The following CD244 variants were observed in gnomAD, a reference collection of about 807,000 sequenced individuals.
CD244 encodes CD244 molecule.
CD244 carries 20 observed loss-of-function variants against 45.5 expected under a neutral mutation model. The ratio of observed to expected loss-of-function variants is 0.44; its 90% CI spans 0.31 to 0.64. The LOEUF (loss-of-function observed/expected upper bound fraction) is 0.64, where lower values mean the gene tolerates loss of function less well. CD244 is among the 30% of genes least tolerant of loss of function. The pLI is 0.08. For synonymous variants in CD244, 185 were observed against 160.5 expected (o/e 1.15, Z -1.15); for missense variants, 407 against 426.9 (o/e 0.95, Z 0.41).
rs930887807 is a variant in CD244 at position 160,831,398 on chromosome 1, G to C, written c.1047C>G (p.Asn349Lys). 9 of 1,614,014 alleles carry C rather than the reference G, an allele frequency of 5.6e-6. No homozygotes were observed. Among genetic ancestry groups the C allele is most frequent in the Admixed American group, 3.3e-5 (2 of 60,006 alleles). ...GCTCTTTGCGGCTCAATCGAGCAGGGTTCTGGGCTTTAGGTTGACTCTTTC... is the reference window on the plus strand; with the variant it reads ...GCTCTTTGCGGCTCAATCGAGCAGGCTTCTGGGCTTTAGGTTGACTCTTTC... ...VIGKSQPKAQ[N>K]PARLSRKELE... The change falls in exon 9 of 9, where the codon AAC becomes AAG. Residue 349 changes from asparagine (N) to lysine (K), a missense_variant. Coordinates refer to ENST00000368034, the MANE Select transcript of CD244 (RefSeq NM_016382.4).
intron 7 of CD244, among the ~76,000 whole-genome samples, chr1:160,833,191 G>C (rs1669199362): frequency 6.6e-6 from 1 of 152,036 alleles, no homozygotes; most frequent in Non-Finnish European, 1.5e-5. Flanking sequence ...ACATCTATAT[G>C]GCCTTATATT....
At chr1:160,840,730 A>G (rs1288440556) in intron 3 of CD244, among the ~76,000 whole-genome samples, 1 of 152,168 alleles carries the variant, frequency 6.6e-6, no homozygotes, top group East Asian at 1.9e-4. Flanking sequence ...TAACTCAGGT[A>G]ACTCTTAGGA....
At chr1:160,832,038 C>T (rs1015135433) in intron 8 of CD244, among the ~76,000 whole-genome samples, 2 of 152,192 alleles carry the variant, frequency 1.3e-5, no homozygotes, top group African/African-American at 4.8e-5. Flanking sequence ...CCTAAATGCT[C>T]TGATGGGAAT....
intron 1 of CD244, among the ~76,000 whole-genome samples, chr1:160,858,347 A>G (rs1670182490): frequency 6.6e-6 from 1 of 152,164 alleles, no homozygotes; most frequent in Non-Finnish European, 1.5e-5. Context: ...GTTCCAACAC[A>G]ATCTACGCAA....
rs1669164668 is a variant in CD244, at chr1:160,832,595, A to G, written c.961-20T>C. On this transcript the variant is annotated intron_variant, in intron 7 of 8. Transcript: ENST00000368034. ...TCCAGACTAGAAATTCAGAAGGTAA[A>G]GAATACTTAACTTCGAGATAAGTGC... 6.2e-7 allele frequency: 1 copy of G among 1,611,930 alleles called. No individual in the cohort carries two copies.
chr1:160,834,576 C>G (rs1669259697), intron 6 of CD244, among the ~76,000 whole-genome samples: 1 of 152,186 alleles, frequency 6.6e-6, no homozygotes, highest in African/African-American at 2.4e-5. Context: ...TGGTCTCAAA[C>G]CCCTGACCTC....
chr1:160,834,097 T>C lies in CD244; in HGVS notation c.914A>G (p.Gln305Arg). ...IQSQSSAPTS[Q>R]EPAYTLYSLI... ...TGAATATAATGTATATGCAGGTTCT[T>C]GTGACGTGGGAGCAGAAGACTAATG... Residue 305 changes from glutamine (Q) to arginine (R), a missense_variant, in exon 7 of 9, where the codon CAA (glutamine) becomes CGA (arginine). Coordinates refer to ENST00000368034, the MANE Select transcript of CD244 (RefSeq NM_016382.4). 1 of 1,610,758 alleles carries C rather than the reference T, an allele frequency of 6.2e-7. No homozygotes were observed. The highest frequency in any genetic ancestry group is 1.7e-4 in the Middle Eastern group (1 of 6,044).
rs1185656128 is a variant in CD244, at chr1:160,838,461, C to A, written c.824G>T (p.Arg275Met). ...TCCGGGATGACATACGTGATTTCTC[C>A]TGGTTTTCAGATCCTTGACATCTTC... ...IYEDVKDLKT[R>M]RNHEQEQTFP... Residue 275 changes from arginine (R) to methionine (M), a missense_variant, in exon 5 of 9, where the codon AGG (arginine) becomes ATG (methionine). By Grantham distance (91) the Arg-to-Met change is moderately conservative. Coordinates refer to ENST00000368034, the MANE Select transcript of CD244 (RefSeq NM_016382.4). 1 of 1,613,046 alleles carries A rather than the reference C, an allele frequency of 6.2e-7. No homozygotes were observed. Among genetic ancestry groups the A allele is most frequent in the African/African-American group, 1.3e-5 (1 of 75,008 alleles).
At chr1:160,845,235 G>A (rs1314308219) in intron 1 of CD244, among the ~76,000 whole-genome samples, 1 of 151,966 alleles carries the variant, frequency 6.6e-6, no homozygotes, top group Non-Finnish European at 1.5e-5. Context: ...GAAATAAAAT[G>A]TAAAATAACT....
In CD244 at chr1:160,860,641, T is replaced by C. The variant is rs540502366; in HGVS notation, c.61+1976A>G. Among the ~76,000 whole-genome samples, 3 of 152,342 alleles carry C rather than the reference T, an allele frequency of 2.0e-5. No homozygotes were observed. In the South Asian group the frequency reaches 6.2e-4, roughly 32 times the overall value. On this transcript the variant is annotated intron_variant, in intron 1 of 8. Transcript: ENST00000368034. ...CATAATGTCACAACTTGTTCTCAAG[T>C]GGTTCAGCAAAAATTATTGTACATT... is the stretch of plus-strand genomic sequence containing the variant.
intron 1 of CD244, chr1:160,848,365 T>C (rs544913397): frequency 3.3e-5 from 19 of 571,062 alleles, no homozygotes; most frequent in Non-Finnish European, 5.8e-5. Context: ...TTGCCGAGAC[T>C]GAATGGATGG....
intron 6 of CD244, among the ~76,000 whole-genome samples, chr1:160,835,315 G>A (rs1039346069): frequency 6.6e-6 from 1 of 152,100 alleles, no homozygotes; most frequent in African/African-American, 2.4e-5. Context: ...AAACCCTTTG[G>A]CTCAGCTCTG....
In CD244 at chr1:160,841,181, C is replaced by T. The variant is rs373438742; in HGVS notation, c.655+29G>A. On this transcript the variant is annotated intron_variant, in intron 3 of 8. Coordinates refer to ENST00000368034, the MANE Select transcript of CD244 (RefSeq NM_016382.4). ...GGTTGCGGGGTCCAAACCTTCAGCG[C>T]TTGTTATAGCCCAGTGTGTTCCACT... The T allele has an allele frequency of 1.1e-5, 17 of 1,610,686 alleles. No homozygotes were observed. The African/African-American group carries it at 1.7e-4, about 16-fold the overall frequency.
Position 160,854,175 on chromosome 1 carries a change from A to G in CD244, c.61+8442T>C, listed in dbSNP as rs548083701. ...TTAGTGGTGGTTTCACTTTATTTTTATCTTTTATAAAATTGTGAGAGGTAG... is the reference window on the plus strand; with the variant it reads ...TTAGTGGTGGTTTCACTTTATTTTTGTCTTTTATAAAATTGTGAGAGGTAG... On this transcript the variant is annotated intron_variant, in intron 1 of 8. Transcript: ENST00000368034. Among the ~76,000 whole-genome samples, 393 of 152,318 alleles carry G rather than the reference A, an allele frequency of 2.6e-3. 2 individuals are homozygous for G. Among genetic ancestry groups the G allele is most frequent in the Non-Finnish European group, 4.7e-3 (319 of 68,020 alleles).
intron 1 of CD244, 30 bp downstream of exon 1, chr1:160,862,587 C>T: frequency 6.2e-7 from 1 of 1,607,998 alleles, no homozygotes; most frequent in Non-Finnish European, 8.5e-7. Context: ...TAGTCCCTCC[C>T]TCGCCCCACG....
At chr1:160,840,762 G>T (rs953190393) in intron 3 of CD244, among the ~76,000 whole-genome samples, 1 of 152,164 alleles carries the variant, frequency 6.6e-6, no homozygotes, top group African/African-American at 2.4e-5. Context: ...AACAGCCCAA[G>T]AACTCATCTA....
At chr1:160,844,014 A>G (rs1162214126) in intron 1 of CD244, among the ~76,000 whole-genome samples, 2 of 152,250 alleles carry the variant, frequency 1.3e-5, no homozygotes, top group African/African-American at 2.4e-5. Flanking sequence ...GTAAGAGTGA[A>G]CGAGAAATGA....
rs139708244 is a variant in CD244 at position 160,853,295 on chromosome 1, T to C, written c.61+9322A>G. ...AAAAGTACATAGTGAATTATTTCAC[T>C]GATATAAAGTTTAAAATCTGGAAAA... On this transcript the variant is annotated intron_variant, in intron 1 of 8. Transcript: ENST00000368034. 1.0e-3 allele frequency among the ~76,000 whole-genome samples: 159 copies of C among 152,306 alleles called. 1 individual carries two copies. Among genetic ancestry groups the C allele is most frequent in the Non-Finnish European group, 1.6e-4 (11 of 68,032 alleles).
At chr1:160,833,562 T>C (rs989227204) in intron 7 of CD244, among the ~76,000 whole-genome samples, 1 of 152,208 alleles carries the variant, frequency 6.6e-6, no homozygotes, top group Non-Finnish European at 1.5e-5. Flanking sequence ...ATGGGTTGCC[T>C]CAGTCCAGAG....
Sources: gnomAD v4.1 joint callset for allele counts (sites outside exome capture counted in the v4.1 genomes callset) on GRCh38, gnomAD v4.1.1 for gene constraint, MANE v1.5 for transcripts, NCBI Gene and HGNC (gene_info 2026-07-23, HGNC 2026-07-21) for gene names.